ABLIM1: variants seen among roughly 807,000 people sequenced by gnomAD.
ABLIM1 encodes actin-binding LIM protein 1.
Under a neutral mutation model 107.0 loss-of-function variants are expected in ABLIM1, and 40 were observed. That is an observed-to-expected ratio of 0.37 (90% CI 0.29 to 0.49). ABLIM1 has a LOEUF of 0.49. ABLIM1 is among the 20% of genes least tolerant of loss of function. The pLI is 0.97. For synonymous variants in ABLIM1, 357 were observed against 357.3 expected (o/e 1.00, Z 0.01); for missense variants, 857 against 1,008.5 (o/e 0.85, Z 2.04).
chr10:114,523,098 C>G (rs1032387708), intron 6 of ABLIM1, among the ~76,000 whole-genome samples: 1 of 152,078 alleles, frequency 6.6e-6, no homozygotes, highest in Non-Finnish European at 1.5e-5. Context: ...TTGCAGTGAG[C>G]CAAGATTGCA....
exon 1 of ABLIM1, chr10:114,684,921 T>C (rs910268197): frequency 5.3e-6 from 1 of 190,302 alleles, no homozygotes; most frequent in Admixed American, 6.5e-5. Context: ...TAAAAAATGC[T>C]ATAACTTGGA....
chr10:114,754,407 A>C lies in ABLIM1; in HGVS notation c.-213+13654T>G, dbSNP rs2082585978. Among the ~76,000 whole-genome samples the C allele has an allele frequency of 2.6e-5, 4 of 152,238 alleles. No individual in the cohort carries two copies. The South Asian group carries it at 8.3e-4, about 32-fold the overall frequency. On this transcript the variant is annotated intron_variant, in intron 1 of 15. Coordinates refer to the ABLIM1 transcript ENST00000651092. ...TCAGGACAAGGATCTGGAAATACAC[A>C]TGTAATATTTGGTCCCTGGCTTCAC...
chr10:114,442,224 T>C (rs575083768), intron 17 of ABLIM1, among the ~76,000 whole-genome samples: 5 of 152,206 alleles, frequency 3.3e-5, no homozygotes, highest in Non-Finnish European at 7.3e-5. Flanking sequence ...TCTGAATACA[T>C]TAGCCCATGC....
intron 1 of ABLIM1, among the ~76,000 whole-genome samples, chr10:114,739,340 A>G (rs1163779124): frequency 6.6e-6 from 1 of 152,222 alleles, no homozygotes; most frequent in Admixed American, 6.5e-5. Flanking sequence ...GACATTCTTC[A>G]TCTTACATCC....
Position 114,601,886 on chromosome 10 carries a change from T to C in ABLIM1, c.320A>G (p.Lys107Arg). 6.2e-7 allele frequency: 1 copy of C among 1,614,164 alleles called. No individual in the cohort carries two copies. Among genetic ancestry groups the C allele is most frequent in the Non-Finnish European group, 8.5e-7 (1 of 1,180,022 alleles). Residue 107 changes from lysine to arginine, a missense_variant, in exon 2 of 23, where the codon AAG (lysine) becomes AGG (arginine). Physicochemically the swap from Lys to Arg is conservative, Grantham distance 26. Coordinates refer to ENST00000533213, the MANE Select transcript of ABLIM1 (RefSeq NM_002313.7). Reference protein sequence around the residue: ...IHCHKCGEPCKGEVLRVQTKH... With the variant: ...IHCHKCGEPCRGEVLRVQTKH... ...GGTCTGGACCCGAAGCACTTCACCC[T>C]TGCAAGGCTCCCCACATTTATGGCA...
chr10:114,597,597 AAAAAG>A (rs1206345288), intron 2 of ABLIM1, among the ~76,000 whole-genome samples: 2 of 152,132 alleles, frequency 1.3e-5, no homozygotes, highest in African/African-American at 4.8e-5. Context: ...AAAGAAAAAC[AAAAAG>A]AAAAGAAAAT....
intron 6 of ABLIM1, among the ~76,000 whole-genome samples, chr10:114,521,689 C>G (rs1418771545): frequency 6.6e-6 from 1 of 152,124 alleles, no homozygotes; most frequent in Non-Finnish European, 1.5e-5. Context: ...CCTTCCCTCT[C>G]CTTTTCCCTC....
chr10:114,706,559 C>T (rs1238529467), intron 1 of ABLIM1, among the ~76,000 whole-genome samples: 5 of 152,160 alleles, frequency 3.3e-5, no homozygotes, highest in South Asian at 4.1e-4. Flanking sequence ...TCCCTGGAGG[C>T]GGATGCCAGG....
intron 1 of ABLIM1, among the ~76,000 whole-genome samples, chr10:114,760,066 T>C (rs1303856032): frequency 6.6e-6 from 1 of 152,128 alleles, no homozygotes; most frequent in Non-Finnish European, 1.5e-5. Flanking sequence ...TCAATAACTA[T>C]TTGTTAAATG....
the ABLIM1 span, among the ~76,000 whole-genome samples, chr10:114,795,162 G>C: frequency 6.6e-6 from 1 of 152,130 alleles, no homozygotes; most frequent in East Asian, 1.9e-4. Flanking sequence ...AACATTCTTT[G>C]ACCTAATAGT....
intron 6 of ABLIM1, among the ~76,000 whole-genome samples, chr10:114,521,386 C>T (rs1191446997): frequency 3.3e-5 from 5 of 152,230 alleles, no homozygotes; most frequent in African/African-American, 1.2e-4. Context: ...ATGAAGTATG[C>T]TTATAAAGTG....
chr10:114,718,860 A>G (rs1471383664), intron 1 of ABLIM1, among the ~76,000 whole-genome samples: 2 of 152,252 alleles, frequency 1.3e-5, no homozygotes, highest in African/African-American at 2.4e-5. Context: ...GTATGAAATG[A>G]ATAAGATAAA....
chr10:114,776,323 C>T, the ABLIM1 span, among the ~76,000 whole-genome samples: 11 of 151,766 alleles, frequency 7.2e-5, no homozygotes, highest in Admixed American at 3.3e-4. Flanking sequence ...TGTTAAAAAA[C>T]GTAGTTTTGG....
At chr10:114,569,180 T>C in intron 4 of ABLIM1, among the ~76,000 whole-genome samples, 1 of 152,128 alleles carries the variant, frequency 6.6e-6, no homozygotes, top group Non-Finnish European at 1.5e-5. Context: ...TCCCCACCTA[T>C]CAAAAAACAT....
rs546148152 is a variant in ABLIM1, at chr10:114,673,889, A to C, written c.64+10401T>G. 3.3e-5 allele frequency among the ~76,000 whole-genome samples: 5 copies of C among 152,308 alleles called. No homozygotes were observed. The South Asian group carries it at 1.0e-3, about 32-fold the overall frequency. On this transcript the variant is annotated intron_variant, in intron 1 of 23. Coordinates refer to the ABLIM1 transcript ENST00000369256. ...TCCCTAGAGTGACTTAAAAAAATAAAAGACTATTGAGAAGAGAGACATTAA... is the reference window on the plus strand; with the variant it reads ...TCCCTAGAGTGACTTAAAAAAATAACAGACTATTGAGAAGAGAGACATTAA...
intron 1 of ABLIM1, among the ~76,000 whole-genome samples, chr10:114,656,783 A>G (rs375552672): frequency 2.0e-5 from 3 of 152,198 alleles, no homozygotes; most frequent in South Asian, 2.1e-4. Context: ...CAACATGGGT[A>G]AACCCTGAAA....
At chr10:114,757,536 A>T (rs1361089350) in intron 1 of ABLIM1, among the ~76,000 whole-genome samples, 1 of 151,768 alleles carries the variant, frequency 6.6e-6, no homozygotes, top group Non-Finnish European at 1.5e-5. Flanking sequence ...GAGATCTAAG[A>T]TTCCCCTCTT....
chr10:114,490,883 C>T (rs1022824415), intron 7 of ABLIM1, among the ~76,000 whole-genome samples: 1 of 149,388 alleles, frequency 6.7e-6, no homozygotes, highest in African/African-American at 2.5e-5. Context: ...TGCCCAGGCA[C>T]GTCTTGAATT....
chr10:114,717,696 C>T (rs1289402404), intron 1 of ABLIM1, among the ~76,000 whole-genome samples: 1 of 152,036 alleles, frequency 6.6e-6, no homozygotes, highest in African/African-American at 2.4e-5. Context: ...GGGTGGATCA[C>T]GTGAGCCCAG....
Sources: gnomAD v4.1 joint callset for allele counts (sites outside exome capture counted in the v4.1 genomes callset) on GRCh38, gnomAD v4.1.1 for gene constraint, MANE v1.5 for transcripts, NCBI Gene and HGNC (gene_info 2026-07-23, HGNC 2026-07-21) for gene names.